Variants in DBNDD1 observed in about 807,000 individuals in gnomAD.
DBNDD1 encodes dysbindin domain containing 1.
DBNDD1 carries 14 observed loss-of-function variants against 17.0 expected under a neutral mutation model. That is an observed-to-expected ratio of 0.82 (90% CI 0.54 to 1.29). The LOEUF is 1.29. Among genes scored for constraint, DBNDD1 ranks in the 50% most tolerant of loss-of-function variants. DBNDD1 has a pLI of 0.00. For synonymous variants in DBNDD1, 105 were observed against 102.0 expected (o/e 1.03, Z -0.18); for missense variants, 221 against 216.2 (o/e 1.02, Z -0.14).
intron 3 of DBNDD1, among the ~76,000 whole-genome samples, chr16:90,008,454 A>AG (rs2035478852): frequency 2.4e-5 from 1 of 42,214 alleles, no homozygotes; most frequent in African/African-American, 1.6e-4. Flanking sequence ...AAGGGGCCTC[A>AG]CCCCCCAAAC....
intron 1 of DBNDD1, chr16:90,009,921 A>G (rs1262698378): frequency 6.3e-7 from 1 of 1,596,206 alleles, no homozygotes; most frequent in Non-Finnish European, 8.6e-7. Flanking sequence ...ATTTGAGTTC[A>G]GAATAATACA....
intron 1 of DBNDD1, chr16:90,010,114 C>T (rs1389529567): frequency 1.1e-5 from 16 of 1,469,894 alleles, no homozygotes; most frequent in South Asian, 4.6e-5. Context: ...GGTGCAATCT[C>T]GGCTCACTGC....
chr16:90,008,893 G>A lies in DBNDD1; in HGVS notation c.210C>T (p.Val70=), dbSNP rs533779379. 1 of 1,582,742 alleles carries A rather than the reference G, an allele frequency of 6.3e-7. No homozygotes were observed. The highest frequency in any genetic ancestry group is 1.7e-5 in the Admixed American group (1 of 57,596). ...QPLSSVSSLE[V]HFDLLDLTEL... Reference sequence around the variant, plus strand: ...CAGTGAGGTCCAGGAGGTCGAAGTGGACCTCCAGAGAGGAGACGCTGCTCA... The same window carrying A: ...CAGTGAGGTCCAGGAGGTCGAAGTGAACCTCCAGAGAGGAGACGCTGCTCA... Residue 70 remains valine (V), a synonymous_variant, in exon 3 of 4, where the codon GTC becomes GTT. Transcript: ENST00000002501.
At chr16:90,018,661 C>A (rs2035693395) in intron 1 of DBNDD1, among the ~76,000 whole-genome samples, 1 of 152,232 alleles carries the variant, frequency 6.6e-6, no homozygotes, top group African/African-American at 2.4e-5. Context: ...GTTACCGACT[C>A]CAAGGTCCTG....
chr16:90,009,386 G>A lies in DBNDD1; in HGVS notation c.76C>T (p.Pro26Ser). 1 of 1,613,096 alleles carries A rather than the reference G, an allele frequency of 6.2e-7. No individual in the cohort carries two copies. Among genetic ancestry groups the A allele is most frequent in the Non-Finnish European group, 8.5e-7 (1 of 1,180,000 alleles). ...AEVPQAALGV[P>S]AQGTGDNGHT... ...CCATTGTCCCCTGTCCCCTGGGCTG[G>A]GACGCCCAGCGCAGCCTGCGGCACC... The change falls in exon 2 of 4, where the codon CCA becomes TCA. Residue 26 changes from proline to serine, a missense_variant. By Grantham distance (74) the Pro-to-Ser change is moderately conservative (BLOSUM62 -1). Coordinates refer to ENST00000002501, the MANE Select transcript of DBNDD1 (RefSeq NM_001042610.3).
At chr16:90,016,972 C>T (rs987105362) in intron 1 of DBNDD1, among the ~76,000 whole-genome samples, 3 of 152,216 alleles carry the variant, frequency 2.0e-5, no homozygotes, top group Admixed American at 6.5e-5. Flanking sequence ...TTCAGGGATG[C>T]TGGAGTGGCC....
At chr16:90,015,467 G>T (rs1461215571) in intron 1 of DBNDD1, among the ~76,000 whole-genome samples, 1 of 152,224 alleles carries the variant, frequency 6.6e-6, no homozygotes, top group Non-Finnish European at 1.5e-5. Flanking sequence ...TAGCAGTTAA[G>T]TTTTTGGGGA....
At chr16:90,018,988 C>T (rs372204257) in intron 1 of DBNDD1, among the ~76,000 whole-genome samples, 1 of 152,194 alleles carries the variant, frequency 6.6e-6, no homozygotes, top group African/African-American at 2.4e-5. Context: ...GAACCCCCCT[C>T]CCCCGCTCCC....
intron 1 of DBNDD1, among the ~76,000 whole-genome samples, chr16:90,014,811 T>C (rs1597583596): frequency 6.6e-6 from 1 of 152,078 alleles, no homozygotes; most frequent in South Asian, 2.1e-4. Context: ...TCGAGACCAG[T>C]CTGGGCCAAC....
rs1344859011 is a variant in DBNDD1 at position 90,013,262 on chromosome 16, T to A, written c.32-3832A>T. Among the ~76,000 whole-genome samples the A allele has an allele frequency of 8.1e-4, 40 of 49,146 alleles. 1 individual carries two copies. Among genetic ancestry groups the A allele is most frequent in the Non-Finnish European group, 1.4e-3 (31 of 22,710 alleles). The allele number at this position is 49,146 out of a possible 152,430, so 32.2% of individuals were successfully genotyped here. ...TGAGCAACAGAGCGAAACCTTGCCT[T>A]AAAAAAAAAAAAAAAAAAAAAGACA... is the stretch of plus-strand genomic sequence containing the variant. On this transcript the variant is annotated intron_variant, in intron 1 of 3. Transcript: ENST00000002501.
At chr16:90,015,480 G>C (rs115884041) in intron 1 of DBNDD1, among the ~76,000 whole-genome samples, 2,367 of 152,296 alleles carry the variant, frequency 0.016, 60 homozygotes, top group African/African-American at 0.054. Flanking sequence ...TTTGGGGAGT[G>C]AAAAGTTCTA....
chr16:90,009,112 G>A (rs1426513895), intron 2 of DBNDD1, 172 bp downstream of exon 2: 1 of 1,221,830 alleles, frequency 8.2e-7, no homozygotes, highest in Non-Finnish European at 1.1e-6. Flanking sequence ...GCTTTCACTT[G>A]ACAGATGGTG....
In DBNDD1 at chr16:90,008,940, G is replaced by T. The variant is rs1277848084; in HGVS notation, c.179-16C>A. On this transcript the variant is annotated splice_polypyrimidine_tract_variant and intron_variant, in intron 2 of 3. Coordinates refer to ENST00000002501, the MANE Select transcript of DBNDD1 (RefSeq NM_001042610.3). ...CTCAGAGGCTCTGAGGGCAGAGGGG[G>T]TACAGTCAGCCCTCAGGCCCTCCCA... 4.5e-5 allele frequency: 69 copies of T among 1,540,272 alleles called. No individual in the cohort carries two copies. The highest frequency in any genetic ancestry group is 5.9e-5 in the Non-Finnish European group (67 of 1,136,686).
At chr16:90,012,316 C>T (rs77576048) in intron 1 of DBNDD1, among the ~76,000 whole-genome samples, 7,402 of 152,248 alleles carry the variant, frequency 0.049, 237 homozygotes, top group Non-Finnish European at 0.08. Context: ...GCTACAGGGG[C>T]TCTTACCTCC....
At chr16:90,017,749 G>A (rs12930631) in intron 1 of DBNDD1, among the ~76,000 whole-genome samples, 26,887 of 152,180 alleles carry the variant, frequency 0.18, 3,214 homozygotes, top group Non-Finnish European at 0.26. Flanking sequence ...CCACAAAGTA[G>A]GCATCACTGG....
chr16:90,010,048 G>A, intron 1 of DBNDD1: 1 of 1,613,948 alleles, frequency 6.2e-7, no homozygotes, highest in Non-Finnish European at 8.5e-7. Context: ...TTTCTCCCAT[G>A]TTTATTTATT....
At chr16:90,006,694 G>C (rs2151258925) in intron 3 of DBNDD1, 1 of 690,532 alleles carries the variant, frequency 1.4e-6, no homozygotes, top group Non-Finnish European at 2.4e-6. Context: ...TTGTGGTCTG[G>C]GTGGGGCCTG....
chr16:90,019,641 G>T, upstream of DBNDD1: 1 of 420,654 alleles, frequency 2.4e-6, no homozygotes, highest in South Asian at 6.2e-5. This position sits in a 1 kb window ranked among gnomAD's most constrained non-coding sequence, Gnocchi z 6.1. Flanking sequence ...CCCTTCCCTC[G>T]CGGGCCGCGC....
intron 3 of DBNDD1, chr16:90,007,542 G>A (rs1476910933): frequency 1.3e-5 from 2 of 152,320 alleles, no homozygotes; most frequent in Non-Finnish European, 2.9e-5. Context: ...CGTGCTGGGG[G>A]CCCTGCTCGG....
Sources: allele counts gnomAD v4.1 joint callset (sites outside exome capture counted in the v4.1 genomes callset), GRCh38; gene constraint gnomAD v4.1.1; non-coding constraint Gnocchi (gnomAD v3.1); transcripts MANE v1.5; gene names NCBI Gene and HGNC (gene_info 2026-07-23, HGNC 2026-07-21).